ERI3: variants seen among roughly 807,000 people sequenced by gnomAD.
The protein encoded by ERI3 is ERI1 exoribonuclease 3.
ERI3 carries 18 observed loss-of-function variants against 44.4 expected under a neutral mutation model. The ratio of observed to expected loss-of-function variants is 0.41; its 90% CI spans 0.28 to 0.60. ERI3 has a LOEUF of 0.60. Among genes scored for constraint, ERI3 ranks in the 20% least tolerant of loss-of-function variants. The probability of loss-of-function intolerance (pLI) is 0.36; values close to 1 mark genes in which losing one functional copy is unlikely to be tolerated. For synonymous variants in ERI3, 183 were observed against 164.8 expected (o/e 1.11, Z -0.84); for missense variants, 294 against 435.5 (o/e 0.68, Z 2.89).
intron 8 of ERI3, among the ~76,000 whole-genome samples, chr1:44,226,920 CT>C (rs1572053014): frequency 1.3e-5 from 2 of 151,952 alleles, no homozygotes; most frequent in Admixed American, 6.6e-5. Flanking sequence ...AAAACTCTAA[CT>C]TTTTTCCCCC....
intron 2 of ERI3, among the ~76,000 whole-genome samples, chr1:44,342,895 A>G (rs1297562067): frequency 4.0e-4 from 37 of 91,484 alleles, no homozygotes; most frequent in Non-Finnish European, 6.3e-4. Flanking sequence ...TTTTGTAGAG[A>G]TAAGAGTCTC....
At chr1:44,239,616 G>C (rs1472169868) in intron 8 of ERI3, among the ~76,000 whole-genome samples, 4 of 152,196 alleles carry the variant, frequency 2.6e-5, no homozygotes, top group Admixed American at 2.0e-4. Flanking sequence ...CCTGGCCTTG[G>C]CCTCTTGCCA....
At chr1:44,269,283 T>G (rs1189774810) in intron 7 of ERI3, among the ~76,000 whole-genome samples, 1 of 152,160 alleles carries the variant, frequency 6.6e-6, no homozygotes, top group Non-Finnish European at 1.5e-5. Context: ...AACTGAGGAC[T>G]CAGAAAGGGC....
chr1:44,346,852 G>A (rs1302890939), intron 2 of ERI3, among the ~76,000 whole-genome samples: 1 of 152,084 alleles, frequency 6.6e-6, no homozygotes. Flanking sequence ...TCAACCGTGC[G>A]ATGTACAAAA....
chr1:44,337,803 T>C (rs1019114894), intron 3 of ERI3, among the ~76,000 whole-genome samples: 1 of 152,220 alleles, frequency 6.6e-6, no homozygotes, highest in African/African-American at 2.4e-5. Context: ...AGTTTATCTT[T>C]AAATGGACCA....
intron 7 of ERI3, among the ~76,000 whole-genome samples, chr1:44,251,280 C>T (rs571676598): frequency 1.0e-3 from 153 of 152,364 alleles, no homozygotes; most frequent in South Asian, 7.2e-3. Flanking sequence ...CATGGAGTGG[C>T]CCAAGCGCAT....
At chr1:44,342,894 G>T (rs1646713691) in intron 2 of ERI3, among the ~76,000 whole-genome samples, 1 of 81,372 alleles carries the variant, frequency 1.2e-5, no homozygotes, top group Non-Finnish European at 2.2e-5. Context: ...TTTTTGTAGA[G>T]ATAAGAGTCT....
intron 6 of ERI3, among the ~76,000 whole-genome samples, chr1:44,300,434 G>A (rs1283952281): frequency 6.6e-6 from 1 of 152,208 alleles, no homozygotes; most frequent in African/African-American, 2.4e-5. Flanking sequence ...GGTTGTGCTT[G>A]TTGATCAGAC....
At chr1:44,322,734 T>C in intron 3 of ERI3, 1 of 1,549,090 alleles carries the variant, frequency 6.5e-7, no homozygotes, top group Non-Finnish European at 8.7e-7. Flanking sequence ...CCATCCCATA[T>C]TGCCCAGCCA....
chr1:44,294,865 C>T (rs1645578981), intron 6 of ERI3, among the ~76,000 whole-genome samples: 3 of 152,228 alleles, frequency 2.0e-5, no homozygotes, highest in Non-Finnish European at 4.4e-5. Flanking sequence ...CCATCTTGAC[C>T]CTATGCCTGA....
At position 44,241,570 on chromosome 1, in the gene ERI3, T is replaced by A. The variant is rs541090780; in HGVS notation, c.931+6369A>T. On this transcript the variant is annotated intron_variant, in intron 8 of 8. Transcript: ENST00000372257. The surrounding 1 kb of genome is among the most constrained non-coding windows in gnomAD (Gnocchi z 5.6). ...CCAGATGGATGCAATTTGCATAATATCAGCAGTGGAGGCTGCAAGATCACC... is the reference window on the plus strand; with the variant it reads ...CCAGATGGATGCAATTTGCATAATAACAGCAGTGGAGGCTGCAAGATCACC... Among the ~76,000 whole-genome samples the A allele has an allele frequency of 7.9e-5, 12 of 151,970 alleles. No homozygotes were observed. The highest frequency in any genetic ancestry group is 2.9e-4 in the African/African-American group (12 of 41,428).
At chr1:44,263,684 T>C (rs554407292) in intron 7 of ERI3, among the ~76,000 whole-genome samples, 1 of 152,098 alleles carries the variant, frequency 6.6e-6, no homozygotes, top group Admixed American at 6.5e-5. Flanking sequence ...CTGAGAGGAG[T>C]ATAGGCTTGG....
At chr1:44,282,266 G>A (rs753967616) in intron 7 of ERI3, among the ~76,000 whole-genome samples, 2 of 152,022 alleles carry the variant, frequency 1.3e-5, no homozygotes, top group Non-Finnish European at 2.9e-5. Context: ...CACTCACTAG[G>A]CAAGTCTCAG....
intron 2 of ERI3, among the ~76,000 whole-genome samples, chr1:44,342,853 ATATAT>A (rs1646706911): frequency 9.2e-5 from 3 of 32,438 alleles, no homozygotes; most frequent in South Asian, 1.1e-3. Flanking sequence ...ATATATATAT[ATATAT>A]TTTTTTTTTT....
In ERI3 at chr1:44,248,047, C is replaced by G. The variant is rs749755147; in HGVS notation, c.832-9G>C. 6.2e-7 allele frequency: 1 copy of G among 1,609,104 alleles called. No individual in the cohort carries two copies. On this transcript the variant is annotated splice_polypyrimidine_tract_variant and intron_variant, in intron 7 of 8. Coordinates refer to ENST00000372257, the MANE Select transcript of ERI3 (RefSeq NM_024066.3). ...ATGGCGAAGCTGTAAGCCTGGAAGA[C>G]AGGAGGCAAGTGGTTAACGGAGGCC... is the stretch of plus-strand genomic sequence containing the variant.
At chr1:44,320,362 C>A (rs1039396336) in intron 3 of ERI3, among the ~76,000 whole-genome samples, 3 of 152,244 alleles carry the variant, frequency 2.0e-5, no homozygotes, top group Non-Finnish European at 2.9e-5. Context: ...CTTAGCTAGC[C>A]TTTCCCAGTC....
chr1:44,242,155 C>T, intron 8 of ERI3: 3 of 984,772 alleles, frequency 3.0e-6, no homozygotes, highest in Non-Finnish European at 3.6e-6. Flanking sequence ...AGGGCCACAC[C>T]AGAAAGAACT....
intron 6 of ERI3, among the ~76,000 whole-genome samples, chr1:44,291,310 C>T (rs1447489099): frequency 6.6e-6 from 1 of 152,176 alleles, no homozygotes; most frequent in Non-Finnish European, 1.5e-5. Context: ...TAGTATCTAT[C>T]TCACCTGCAA....
At chr1:44,313,110 G>C in intron 5 of ERI3, 59 bp downstream of exon 5, 1 of 1,410,074 alleles carries the variant, frequency 7.1e-7, no homozygotes, top group Non-Finnish European at 1.0e-6. Context: ...CAGGAGGGGA[G>C]GGAGAGAAAG....
Sources: gnomAD v4.1 joint callset for allele counts (sites outside exome capture counted in the v4.1 genomes callset) on GRCh38, gnomAD v4.1.1 for gene constraint, Gnocchi (gnomAD v3.1) non-coding constraint, MANE v1.5 for transcripts, NCBI Gene and HGNC (gene_info 2026-07-23, HGNC 2026-07-21) for gene names.